UBIAD1: variants seen among roughly 807,000 people sequenced by gnomAD.
The protein encoded by UBIAD1 is ubiA prenyltransferase domain-containing protein 1.
UBIAD1 carries 12 observed loss-of-function variants against 20.1 expected under a neutral mutation model. The observed-to-expected ratio is 0.60, with a 90% CI of 0.38 to 0.97. The LOEUF (loss-of-function observed/expected upper bound fraction) is 0.97. Ranked by LOEUF, UBIAD1 falls within the 50% of genes least tolerant of loss-of-function variation. The probability of loss-of-function intolerance (pLI) is 0.00; values close to 1 mark genes in which losing one functional copy is unlikely to be tolerated. For synonymous variants in UBIAD1, 207 were observed against 189.2 expected, an observed-to-expected ratio of 1.09 and a Z score of -0.77; for missense variants, 333 against 419.5, an observed-to-expected ratio of 0.79 and a Z score of 1.80.
At position 11,285,562 on chromosome 1, in the gene UBIAD1, G is replaced by T; in HGVS notation, c.530-82G>T. On this transcript the variant is annotated intron_variant, in intron 1 of 1. Transcript: ENST00000376810. This position sits in a 1 kb window ranked among gnomAD's most constrained non-coding sequence, Gnocchi z 4.4. ...AAGGATTTACCATTTTCAGCCGGAA[G>T]TGGCCTGCCTCTTCACTGGTGAACA... 2 of 1,604,542 alleles carry T rather than the reference G, an allele frequency of 1.2e-6. No homozygotes were observed. The highest frequency in any genetic ancestry group is 8.5e-7 in the Non-Finnish European group (1 of 1,176,062).
intron 1 of UBIAD1, among the ~76,000 whole-genome samples, chr1:11,280,486 G>C (rs143966329): frequency 6.6e-6 from 1 of 152,222 alleles, no homozygotes; most frequent in Non-Finnish European, 1.5e-5. Context: ...CCAACTTCTT[G>C]CTCAGCAACT....
At chr1:11,288,528 A>G (rs1222252510), downstream of UBIAD1, 5 of 152,200 alleles carry the variant, frequency 3.3e-5, no homozygotes, top group Non-Finnish European at 7.3e-5. Flanking sequence ...AGGCAGTGAC[A>G]TTGGACATTC....
intron 1 of UBIAD1, among the ~76,000 whole-genome samples, chr1:11,294,311 T>C (rs150806229): frequency 0.014 from 2,107 of 152,134 alleles, 26 homozygotes; most frequent in Middle Eastern, 0.024. Flanking sequence ...CTTTTATTAT[T>C]ATTATTTTTA....
At chr1:11,284,999 A>G (rs1638229672) in intron 1 of UBIAD1, among the ~76,000 whole-genome samples, 1 of 152,150 alleles carries the variant, frequency 6.6e-6, no homozygotes, top group Non-Finnish European at 1.5e-5. Flanking sequence ...TTTGAAGTAG[A>G]TGAGCAGGAC....
chr1:11,293,696 ATGGAGT>A (rs1182929142), intron 1 of UBIAD1: 4 of 152,060 alleles, frequency 2.6e-5, no homozygotes, highest in Non-Finnish European at 5.9e-5. Flanking sequence ...TTATTTTGAG[ATGGAGT>A]TTTGCTCTTG....
chr1:11,287,781 T>C lies in UBIAD1; in HGVS notation c.*1650T>C, dbSNP rs556022673. 1 of 152,072 alleles carries C rather than the reference T, an allele frequency of 6.6e-6. No homozygotes were observed. Among genetic ancestry groups the C allele is most frequent in the East Asian group, 1.9e-4 (1 of 5,168 alleles). The allele number at this position is 152,072 out of a possible 1,614,324, so 9.4% of individuals were successfully genotyped here. On this transcript the variant is annotated 3_prime_UTR_variant, in exon 2 of 2. Coordinates refer to ENST00000376810, the MANE Select transcript of UBIAD1 (RefSeq NM_013319.3). ...CGTTTCTACTAAAAATACAAAAAAT[T>C]AGCCAGGCGTGTTGGCGGGCGCCTG... is the stretch of plus-strand genomic sequence containing the variant.
downstream of UBIAD1, among the ~76,000 whole-genome samples, chr1:11,291,492 A>C (rs984687537): frequency 6.6e-6 from 1 of 152,110 alleles, no homozygotes; most frequent in East Asian, 1.9e-4. Flanking sequence ...CTGTAATCCC[A>C]GCGACTCGGG....
In UBIAD1 at chr1:11,273,413, T is replaced by C; in HGVS notation, c.-119T>C. ...GGACCTTGCCGCCACACCAGCCCTG[T>C]CCTGGGGCGGAACCGAAGGAAGGTC... On this transcript the variant is annotated 5_prime_UTR_variant, in exon 1 of 2. Coordinates refer to ENST00000376810, the MANE Select transcript of UBIAD1 (RefSeq NM_013319.3). The surrounding 1 kb of genome is among the most constrained non-coding windows in gnomAD (Gnocchi z 4.9). 7.5e-7 allele frequency: 1 copy of C among 1,328,510 alleles called. No individual in the cohort carries two copies. The highest frequency in any genetic ancestry group is 1.2e-5 in the South Asian group (1 of 81,808). 82.3% of individuals were successfully genotyped at this position (1,328,510 alleles called of 1,614,324 possible). A position where few individuals can be genotyped will look rare whatever the true frequency, so the allele number is the denominator to read the frequency against.
rs868102858 is a variant in UBIAD1, at chr1:11,287,625, A to G, written c.*1494A>G. ...TTGATTGGTTTACTTGGAAAAAAAC[A>G]TGTTTGAAAATTGCAAAAGTTCCGC... On this transcript the variant is annotated 3_prime_UTR_variant, in exon 2 of 2. Coordinates refer to ENST00000376810, the MANE Select transcript of UBIAD1 (RefSeq NM_013319.3). The G allele has an allele frequency of 6.6e-6, 1 of 152,210 alleles. No homozygotes were observed. Among genetic ancestry groups the G allele is most frequent in the Non-Finnish European group, 1.5e-5 (1 of 68,038 alleles). 9.4% of individuals were successfully genotyped at this position (152,210 alleles called of 1,614,324 possible). A position where few individuals can be genotyped will look rare whatever the true frequency, so the allele number is the denominator to read the frequency against.
chr1:11,277,743 G>A (rs1272997112), intron 1 of UBIAD1, among the ~76,000 whole-genome samples: 1 of 152,098 alleles, frequency 6.6e-6, no homozygotes, highest in Non-Finnish European at 1.5e-5. Context: ...CACCTCCGGG[G>A]TTCAAGCAGT....
chr1:11,273,822 C>T lies in UBIAD1; in HGVS notation c.291C>T (p.Ala97=). Residue 97 remains alanine, a synonymous_variant, in exon 1 of 2, where the codon GCC becomes GCT. Transcript: ENST00000376810. This position sits in a 1 kb window ranked among gnomAD's most constrained non-coding sequence, Gnocchi z 4.9. ...CAVAVLAVHG[A]GNLVNTYYDF... ...TGGCTGTCCTGGCTGTGCACGGGGC[C>T]GGTAATTTGGTCAACACTTACTATG... 1.9e-6 allele frequency: 3 copies of T among 1,614,074 alleles called. No homozygotes were observed. The highest frequency in any genetic ancestry group is 1.3e-5 in the African/African-American group (1 of 75,016).
downstream of UBIAD1, among the ~76,000 whole-genome samples, chr1:11,298,881 G>T (rs1316439981): frequency 6.6e-6 from 1 of 152,248 alleles, no homozygotes; most frequent in Non-Finnish European, 1.5e-5. The surrounding 1 kb of genome is among the most constrained non-coding windows in gnomAD (Gnocchi z 4.0). Context: ...AGGAGGAGGT[G>T]GAGCCATTCG....
In UBIAD1 at chr1:11,273,937, G is replaced by T; in HGVS notation, c.406G>T (p.Val136Phe). Residue 136 changes from valine to phenylalanine, a missense_variant, in exon 1 of 2, where the codon GTC becomes TTC. Val to Phe is a conservative substitution (Grantham distance 50, BLOSUM62 -1). Transcript: ENST00000376810. This position sits in a 1 kb window ranked among gnomAD's most constrained non-coding sequence, Gnocchi z 4.9. The part of the protein sequence containing the change: ...LEPQDVVRFG[V>F]FLYTLGCVCA... ...GCCGCAGGATGTCGTCCGGTTCGGAGTCTTCCTCTACACGTTGGGCTGCGT... is the reference window on the plus strand; with the variant it reads ...GCCGCAGGATGTCGTCCGGTTCGGATTCTTCCTCTACACGTTGGGCTGCGT... 6.2e-7 allele frequency: 1 copy of T among 1,614,238 alleles called. No homozygotes were observed. The highest frequency in any genetic ancestry group is 1.3e-5 in the African/African-American group (1 of 75,062).
At chr1:11,282,163 A>C (rs1652261548) in intron 1 of UBIAD1, among the ~76,000 whole-genome samples, 1 of 152,230 alleles carries the variant, frequency 6.6e-6, no homozygotes, top group Admixed American at 6.5e-5. Context: ...AGAAACTGCC[A>C]AACTGTTTTC....
intron 1 of UBIAD1, among the ~76,000 whole-genome samples, chr1:11,283,740 C>A (rs1177400820): frequency 6.6e-6 from 1 of 152,110 alleles, no homozygotes; most frequent in Non-Finnish European, 1.5e-5. Flanking sequence ...CATTTTATTT[C>A]ATTTTGATTC....
intron 1 of UBIAD1, among the ~76,000 whole-genome samples, chr1:11,276,300 CAG>C (rs1182964184): frequency 1.3e-5 from 2 of 151,856 alleles, no homozygotes; most frequent in African/African-American, 2.4e-5. Flanking sequence ...TAAAGAGAAA[CAG>C]AGGAATTAAG....
At chr1:11,296,793 T>C (rs1389012160), downstream of UBIAD1, among the ~76,000 whole-genome samples, 1 of 152,226 alleles carries the variant, frequency 6.6e-6, no homozygotes, top group Non-Finnish European at 1.5e-5. Flanking sequence ...GTGCTGGGAT[T>C]ACAAGCCTGA....
chr1:11,280,188 G>A (rs1231751762), intron 1 of UBIAD1, among the ~76,000 whole-genome samples: 1 of 152,180 alleles, frequency 6.6e-6, no homozygotes, highest in African/African-American at 2.4e-5. Flanking sequence ...GTGATGCTGA[G>A]TCCTCCAGGG....
downstream of UBIAD1, among the ~76,000 whole-genome samples, chr1:11,288,975 CCAGTCAG>C (rs1638317765): frequency 6.6e-6 from 1 of 151,676 alleles, no homozygotes; most frequent in African/African-American, 2.4e-5. Flanking sequence ...TTGCCAAGAG[CCAGTCAG>C]CAGTCAGGCC....
Sources: allele counts gnomAD v4.1 joint callset (sites outside exome capture counted in the v4.1 genomes callset), GRCh38; gene constraint gnomAD v4.1.1; non-coding constraint Gnocchi (gnomAD v3.1); transcripts MANE v1.5; gene names NCBI Gene and HGNC (gene_info 2026-07-23, HGNC 2026-07-21).